Variants in TRPM3 observed in about 807,000 individuals in gnomAD.
TRPM3 encodes long transient receptor potential channel 3.
A neutral mutation model predicts 181.2 loss-of-function variants in TRPM3; 77 were observed. The observed-to-expected ratio is 0.42, with a 90% CI of 0.35 to 0.51. The LOEUF is 0.51. Ranked by LOEUF, TRPM3 falls within the 20% of genes least tolerant of loss-of-function variation. TRPM3 has a pLI of 0.01. For synonymous variants in TRPM3, 745 were observed against 796.4 expected, an observed-to-expected ratio of 0.94 and a Z score of 1.09; for missense variants, 1,759 against 2,196.7, an observed-to-expected ratio of 0.80 and a Z score of 3.98.
intron 1 of TRPM3, among the ~76,000 whole-genome samples, chr9:70,964,962 C>G (rs892005399): frequency 2.0e-5 from 3 of 151,936 alleles, no homozygotes; most frequent in Non-Finnish European, 2.9e-5. Flanking sequence ...TAATTTAGTA[C>G]AGTAAGCCAG....
intron 1 of TRPM3, among the ~76,000 whole-genome samples, chr9:71,164,929 C>G (rs1047760633): frequency 6.6e-6 from 1 of 152,064 alleles, no homozygotes; most frequent in Non-Finnish European, 1.5e-5. Flanking sequence ...CTCATTGGGT[C>G]CAACAATATA....
chr9:71,434,279 G>A (rs1178490603), intron 1 of TRPM3, among the ~76,000 whole-genome samples: 1 of 152,130 alleles, frequency 6.6e-6, no homozygotes, highest in African/African-American at 2.4e-5. Flanking sequence ...GGGGTCTTTG[G>A]GAGATGACAA....
At chr9:70,619,954 G>T in intron 16 of TRPM3, 122 bp downstream of exon 16, 2 of 892,976 alleles carry the variant, frequency 2.2e-6, no homozygotes, top group Non-Finnish European at 3.4e-6. Context: ...TCCATCCTGT[G>T]TGTGCATCAC....
At chr9:70,890,752 G>A (rs1191293433) in intron 1 of TRPM3, among the ~76,000 whole-genome samples, 1 of 152,120 alleles carries the variant, frequency 6.6e-6, no homozygotes, top group Middle Eastern at 3.4e-3. Context: ...CATTTCATGG[G>A]ATGCTATTGG....
chr9:70,568,846 C>A (rs1348029741), intron 22 of TRPM3, among the ~76,000 whole-genome samples: 1 of 152,204 alleles, frequency 6.6e-6, no homozygotes, highest in Non-Finnish European at 1.5e-5. Flanking sequence ...GGGTCAGTGG[C>A]TGTCAACTGG....
chr9:70,830,315 T>C (rs1480448183), intron 5 of TRPM3, among the ~76,000 whole-genome samples: 2 of 152,180 alleles, frequency 1.3e-5, no homozygotes, highest in East Asian at 3.8e-4. Flanking sequence ...AGAAGAAAAT[T>C]AAATAATCTA....
chr9:70,696,720 G>A (rs1228428866), intron 8 of TRPM3, among the ~76,000 whole-genome samples: 1 of 152,098 alleles, frequency 6.6e-6, no homozygotes, highest in Non-Finnish European at 1.5e-5. Flanking sequence ...ATATCTGAAA[G>A]CATTTGTAAA....
intron 1 of TRPM3, among the ~76,000 whole-genome samples, chr9:71,261,880 C>T (rs2083080478): frequency 6.6e-6 from 1 of 152,180 alleles, no homozygotes; most frequent in Admixed American, 6.5e-5. Context: ...CTGAAAGCTT[C>T]ATCCCAGAGG....
intron 1 of TRPM3, among the ~76,000 whole-genome samples, chr9:71,262,754 G>A (rs537351551): frequency 1.6e-4 from 24 of 152,206 alleles, no homozygotes; most frequent in Non-Finnish European, 3.1e-4. Flanking sequence ...CTCACAGCAC[G>A]GTCCCTCACA....
intron 1 of TRPM3, among the ~76,000 whole-genome samples, chr9:71,078,192 G>T (rs1408125917): frequency 1.3e-5 from 2 of 152,036 alleles, no homozygotes; most frequent in African/African-American, 4.8e-5. Context: ...CTCTTTAGAT[G>T]ATTTGTTACA....
rs1472859347 is a variant in TRPM3 at position 70,842,022 on chromosome 9, A to G, written c.801+981T>C. Among the ~76,000 whole-genome samples the G allele has an allele frequency of 4.6e-5, 7 of 152,052 alleles. No individual in the cohort carries two copies. The East Asian group carries it at 9.6e-4, about 21-fold the overall frequency. On this transcript the variant is annotated intron_variant, in intron 5 of 25. Coordinates refer to ENST00000677713, the MANE Select transcript of TRPM3 (RefSeq NM_001366145.2). The stretch of plus-strand genomic sequence containing the variant: ...CACTAAAAGCCTAGATTTAATCAGT[A>G]TGCAATATACATACATAAGACATCT...
intron 1 of TRPM3, among the ~76,000 whole-genome samples, chr9:71,005,381 G>T (rs535364381): frequency 6.6e-6 from 1 of 152,108 alleles, no homozygotes; most frequent in South Asian, 2.1e-4. Flanking sequence ...ACTCTAGCCT[G>T]GGCAACTAGA....
rs530401878 is a variant in TRPM3 at position 71,340,087 on chromosome 9, A to G, written c.183+106566T>C. On this transcript the variant is annotated intron_variant, in intron 1 of 24. Coordinates refer to the TRPM3 transcript ENST00000357533. Reference sequence around the variant, plus strand: ...CACAACATTGGATTGAAGTTGATGCATTTGTTTTTCCTGGGGCATGGTTTA... The same window carrying G: ...CACAACATTGGATTGAAGTTGATGCGTTTGTTTTTCCTGGGGCATGGTTTA... Among the ~76,000 whole-genome samples, 3 of 152,290 alleles carry G rather than the reference A, an allele frequency of 2.0e-5. No homozygotes were observed. The South Asian group carries it at 6.2e-4, about 32-fold the overall frequency.
At chr9:70,805,202 G>A (rs1203547954) in intron 6 of TRPM3, among the ~76,000 whole-genome samples, 3 of 150,778 alleles carry the variant, frequency 2.0e-5, no homozygotes, top group African/African-American at 7.3e-5. Context: ...AAGGAGGAGG[G>A]TGGGGTGAGA....
chr9:71,241,605 C>A (rs903626752), intron 1 of TRPM3, among the ~76,000 whole-genome samples: 1 of 151,884 alleles, frequency 6.6e-6, no homozygotes, highest in African/African-American at 2.4e-5. Context: ...ATGTAACTAA[C>A]CTGCATGTTG....
intron 25 of TRPM3, among the ~76,000 whole-genome samples, chr9:70,538,184 C>T (rs921306864): frequency 6.6e-6 from 1 of 152,344 alleles, no homozygotes; most frequent in Admixed American, 6.5e-5. Context: ...TCTTCTACTC[C>T]TCTCTCTGTC....
In TRPM3 at chr9:70,625,064, ATTGT is replaced by A. The variant is rs2064297090; in HGVS notation, c.1809+123_1809+126del. ...ATTTGAATTTCATTACTTTTCTTTGATTGTTTAGGTTCACTCTCAGCGCAATTTT... is the reference window on the plus strand; with the variant it reads ...ATTTGAATTTCATTACTTTTCTTTGATTAGGTTCACTCTCAGCGCAATTTT... On this transcript the variant is annotated intron_variant, in intron 14 of 25. Coordinates refer to ENST00000677713, the MANE Select transcript of TRPM3 (RefSeq NM_001366145.2). This position sits in a 1 kb window ranked among gnomAD's most constrained non-coding sequence, Gnocchi z 4.8. 3 of 1,008,170 alleles carry A rather than the reference ATTGT, an allele frequency of 3.0e-6. No homozygotes were observed. Among genetic ancestry groups the A allele is most frequent in the East Asian group, 5.4e-5 (2 of 36,920 alleles). The allele number at this position is 1,008,170 out of a possible 1,614,324, so 62.5% of individuals were successfully genotyped here.
At chr9:70,910,866 T>C (rs773498494) in intron 1 of TRPM3, among the ~76,000 whole-genome samples, 3 of 152,196 alleles carry the variant, frequency 2.0e-5, no homozygotes, top group Admixed American at 6.5e-5. Flanking sequence ...AAAGGGAATA[T>C]ATGGCTTTCA....
chr9:70,611,066 C>T (rs2061926558), intron 18 of TRPM3, among the ~76,000 whole-genome samples: 1 of 152,134 alleles, frequency 6.6e-6, no homozygotes. Context: ...CTGGGAAGGC[C>T]AGGCTTCAGG....
Sources: gnomAD v4.1 joint callset for allele counts (sites outside exome capture counted in the v4.1 genomes callset) on GRCh38, gnomAD v4.1.1 for gene constraint, Gnocchi (gnomAD v3.1) non-coding constraint, MANE v1.5 for transcripts, NCBI Gene and HGNC (gene_info 2026-07-23, HGNC 2026-07-21) for gene names.